The following GPC6 variants were observed in gnomAD, a reference collection of about 807,000 sequenced individuals.
GPC6 encodes glypican-6.
A neutral mutation model predicts 55.2 loss-of-function variants in GPC6; 14 were observed. The ratio of observed to expected loss-of-function variants is 0.25; its 90% CI spans 0.17 to 0.40. The LOEUF (loss-of-function observed/expected upper bound fraction) is 0.40, where lower values mean the gene tolerates loss of function less well. Ranked by LOEUF, GPC6 falls within the 10% of genes least tolerant of loss-of-function variation. GPC6 has a pLI of 1.00. For synonymous variants in GPC6, 278 were observed against 259.6 expected (o/e 1.07, Z -0.68); for missense variants, 641 against 708.5 (o/e 0.90, Z 1.08).
chr13:93,748,080 AT>A (rs1884460999), intron 2 of GPC6, among the ~76,000 whole-genome samples: 1 of 152,206 alleles, frequency 6.6e-6, no homozygotes. Context: ...ACTGTCTTTT[AT>A]AATGGTATGA....
At chr13:93,346,695 G>T (rs932239426) in intron 1 of GPC6, among the ~76,000 whole-genome samples, 1 of 151,976 alleles carries the variant, frequency 6.6e-6, no homozygotes, top group African/African-American at 2.4e-5. Context: ...AAAGAAGTGA[G>T]AAAAAAGGAC....
chr13:93,821,951 T>A (rs541267455), intron 2 of GPC6, among the ~76,000 whole-genome samples: 4 of 152,232 alleles, frequency 2.6e-5, no homozygotes, highest in Non-Finnish European at 4.4e-5. Flanking sequence ...AAAATATGAT[T>A]TCTATGTAAT....
chr13:93,567,664 T>C (rs1037149410), intron 2 of GPC6, among the ~76,000 whole-genome samples: 2 of 152,116 alleles, frequency 1.3e-5, no homozygotes, highest in African/African-American at 4.8e-5. Context: ...TTCAAAACAT[T>C]TTGAATACAC....
intron 2 of GPC6, among the ~76,000 whole-genome samples, chr13:93,811,367 G>A (rs1403240093): frequency 6.6e-6 from 1 of 152,152 alleles, no homozygotes; most frequent in Admixed American, 6.5e-5. Flanking sequence ...CTTATAGACT[G>A]AAAGATCCAC....
At chr13:93,263,185 A>T (rs1283537116) in intron 1 of GPC6, among the ~76,000 whole-genome samples, 1 of 152,066 alleles carries the variant, frequency 6.6e-6, no homozygotes. Context: ...CCTAGGTCAA[A>T]TTCAACACCA....
chr13:94,012,457 G>A (rs571448628), intron 3 of GPC6, among the ~76,000 whole-genome samples: 6 of 152,248 alleles, frequency 3.9e-5, no homozygotes, highest in African/African-American at 7.2e-5. Context: ...AAACTAGATA[G>A]CATTAATGCA....
chr13:93,478,062 G>A (rs1879364357), intron 1 of GPC6, among the ~76,000 whole-genome samples: 1 of 151,970 alleles, frequency 6.6e-6, no homozygotes, highest in Admixed American at 6.6e-5. Flanking sequence ...GGCATTTTGG[G>A]GACATTTACT....
chr13:94,019,132 A>G (rs552160620), intron 3 of GPC6, among the ~76,000 whole-genome samples: 118 of 152,020 alleles, frequency 7.8e-4, no homozygotes, highest in Non-Finnish European at 1.4e-3. Context: ...TTTAAGAAGG[A>G]TTTTTCTTGA....
chr13:93,519,733 G>A (rs571045448), intron 1 of GPC6, among the ~76,000 whole-genome samples: 2 of 151,916 alleles, frequency 1.3e-5, no homozygotes, highest in Non-Finnish European at 2.9e-5. Context: ...AGCCTAAATA[G>A]ATGAGGCTCT....
intron 4 of GPC6, among the ~76,000 whole-genome samples, chr13:94,162,911 G>A (rs576918283): frequency 6.6e-6 from 1 of 152,012 alleles, no homozygotes. Flanking sequence ...GGACAATAAG[G>A]GTTACATGTT....
At chr13:93,789,396 G>A (rs1204190145) in intron 2 of GPC6, among the ~76,000 whole-genome samples, 1 of 149,662 alleles carries the variant, frequency 6.7e-6, no homozygotes, top group Non-Finnish European at 1.5e-5. Flanking sequence ...TCTCCAGGAA[G>A]GTCAAGTGTA....
At chr13:93,930,109 T>A (rs887473644) in intron 3 of GPC6, among the ~76,000 whole-genome samples, 1 of 152,008 alleles carries the variant, frequency 6.6e-6, no homozygotes, top group Admixed American at 6.6e-5. Context: ...AGAGATTCTA[T>A]TCTAATTCAT....
chr13:93,460,754 G>C (rs1878648858), intron 1 of GPC6, among the ~76,000 whole-genome samples: 1 of 152,064 alleles, frequency 6.6e-6, no homozygotes, highest in South Asian at 2.1e-4. Flanking sequence ...ATATTGATCA[G>C]ACAAACCAAA....
At chr13:94,385,293 G>C (rs181687236) in intron 7 of GPC6, among the ~76,000 whole-genome samples, 46 of 152,232 alleles carry the variant, frequency 3.0e-4, no homozygotes, top group African/African-American at 1.1e-3. Flanking sequence ...ACAGTGACTG[G>C]GGTGAGCCCA....
At chr13:93,442,838 GT>G (rs36109099) in intron 1 of GPC6, among the ~76,000 whole-genome samples, 32,209 of 151,996 alleles carry the variant, frequency 0.21, 3,582 homozygotes, top group Middle Eastern at 0.29. Context: ...GACATTCTCA[GT>G]TTTTTATCCC....
In GPC6 at chr13:93,409,170, G is replaced by T. The variant is rs574111879; in HGVS notation, c.161-136093G>T. Reference sequence around the variant, plus strand: ...TTTTCTTATGATGAGTCAGTCCCATGCACCCTAGTGTAATCTAGTTGCCAT... The same window carrying T: ...TTTTCTTATGATGAGTCAGTCCCATTCACCCTAGTGTAATCTAGTTGCCAT... On this transcript the variant is annotated intron_variant, in intron 1 of 8. Coordinates refer to ENST00000377047, the MANE Select transcript of GPC6 (RefSeq NM_005708.5). 2.0e-5 allele frequency among the ~76,000 whole-genome samples: 3 copies of T among 151,386 alleles called. No homozygotes were observed. The South Asian group carries it at 6.3e-4, about 32-fold the overall frequency.
chr13:93,861,764 C>T (rs1249670976), intron 3 of GPC6, among the ~76,000 whole-genome samples: 1 of 151,700 alleles, frequency 6.6e-6, no homozygotes, highest in Non-Finnish European at 1.5e-5. Context: ...GTCTAAAAAT[C>T]AGCCCCTTCC....
chr13:93,671,212 A>G (rs1158933436), intron 2 of GPC6, among the ~76,000 whole-genome samples: 1 of 152,092 alleles, frequency 6.6e-6, no homozygotes, highest in African/African-American at 2.4e-5. Context: ...CCTTTTCTGC[A>G]GGACTTCTCA....
rs116359832 is a variant in GPC6 at position 93,896,833 on chromosome 13, C to T, written c.711+66288C>T. Among the ~76,000 whole-genome samples, 752 of 152,044 alleles carry T rather than the reference C, an allele frequency of 4.9e-3. 11 individuals are homozygous for T. The highest frequency in any genetic ancestry group is 0.017 in the African/African-American group (721 of 41,520). Reference sequence around the variant, plus strand: ...AAAAACTGAGAATTTTCCGTGAATCCTGGAAACACCAAGAGAAACAAAATA... The same window carrying T: ...AAAAACTGAGAATTTTCCGTGAATCTTGGAAACACCAAGAGAAACAAAATA... On this transcript the variant is annotated intron_variant, in intron 3 of 8. Transcript: ENST00000377047.
Sources: gnomAD v4.1 joint callset for allele counts (sites outside exome capture counted in the v4.1 genomes callset) on GRCh38, gnomAD v4.1.1 for gene constraint, MANE v1.5 for transcripts, NCBI Gene and HGNC (gene_info 2026-07-23, HGNC 2026-07-21) for gene names.